The following AHNAK variants were observed in gnomAD, a reference collection of about 807,000 sequenced individuals.
AHNAK encodes neuroblast differentiation-associated protein AHNAK.
A neutral mutation model predicts 37.8 loss-of-function variants in AHNAK; 23 were observed. That is an observed-to-expected ratio of 0.61 (90% CI 0.44 to 0.86). The LOEUF is 0.86. AHNAK is among the 40% of genes least tolerant of loss of function. The probability of loss-of-function intolerance (pLI) is 0.00; values close to 1 mark genes in which losing one functional copy is unlikely to be tolerated. For missense variants in AHNAK, 7,411 were observed against 7,319.4 expected (o/e 1.01, Z -0.46); for synonymous variants, 2,481 against 2,636.3 (o/e 0.94, Z 1.80).
chr11:62,525,744 G>C lies in AHNAK; in HGVS notation c.8673C>G (p.His2891Gln), dbSNP rs769409207. 3 of 1,613,068 alleles carry C rather than the reference G, an allele frequency of 1.9e-6. No homozygotes were observed. Among genetic ancestry groups the C allele is most frequent in the Non-Finnish European group, 2.5e-6 (3 of 1,179,820 alleles). The change falls in exon 5 of 5, where the codon CAC becomes CAG. Residue 2891 changes from histidine to glutamine, a missense_variant. Transcript: ENST00000378024. ...PDVNVQGPDW[H>Q]LKMPKMKMPK... ...GCATTTTCATCTTGGGCATCTTCAG[G>C]TGCCAGTCTGGACCCTGAACATTAA...
chr11:62,493,567 C>CCAATCTGGGCAACAAGAATGAA (rs1565213284), intron 4 of AHNAK, among the ~76,000 whole-genome samples: 2 of 152,032 alleles, frequency 1.3e-5, no homozygotes, highest in African/African-American at 4.8e-5. Context: ...CTCCTGACCT[C>CCAATCTGGGCAACAAGAATGAA]AGGTTATCCA....
In AHNAK at chr11:62,529,200, A is replaced by G. The variant is rs768320886; in HGVS notation, c.5217T>C (p.Ala1739=). The G allele has an allele frequency of 3.1e-6, 5 of 1,614,118 alleles. No individual in the cohort carries two copies. The African/African-American group carries it at 5.3e-5, about 17-fold the overall frequency. The part of the protein sequence containing the change: ...GPEVDVNLPK[A]DIDVSGPSVD... Reference sequence around the variant, plus strand: ...CACTGGGTCCAGACACATCAATGTCAGCCTTTGGCAGATTCACATCCACTT... The same window carrying G: ...CACTGGGTCCAGACACATCAATGTCGGCCTTTGGCAGATTCACATCCACTT... Residue 1739 remains alanine, a synonymous_variant, in exon 5 of 5, where the codon GCT becomes GCC. Coordinates refer to ENST00000378024, the MANE Select transcript of AHNAK (RefSeq NM_001620.3).
intron 5 of AHNAK, among the ~76,000 whole-genome samples, chr11:62,434,305 A>G (rs1298445045): frequency 2.0e-5 from 3 of 151,936 alleles, no homozygotes; most frequent in Non-Finnish European, 4.4e-5. Context: ...ATCATCTCCA[A>G]ACTGACTTTC....
chr11:62,497,392 G>A (rs889001270), intron 4 of AHNAK, among the ~76,000 whole-genome samples: 6 of 152,272 alleles, frequency 3.9e-5, no homozygotes, highest in African/African-American at 9.6e-5. Flanking sequence ...AAGGGAAGGG[G>A]GAGGTCACTC....
rs1940531951 is a variant in AHNAK, at chr11:62,527,300, T to C, written c.7117A>G (p.Lys2373Glu). The change falls in exon 5 of 5, where the codon AAG becomes GAG. Residue 2373 changes from lysine to glutamate, a missense_variant. Lys to Glu is a moderately conservative substitution (Grantham distance 56). Coordinates refer to ENST00000378024, the MANE Select transcript of AHNAK (RefSeq NM_001620.3). ...AAGTGCATATCTGGCATCTTGAACT[T>C]AGGAGTTTTCCACTTGCCATTTGGG... Reference protein sequence around the residue: ...EGPNGKWKTPKFKMPDMHFKA... With the variant: ...EGPNGKWKTPEFKMPDMHFKA... 4 of 1,613,720 alleles carry C rather than the reference T, an allele frequency of 2.5e-6. No individual in the cohort carries two copies. The highest frequency in any genetic ancestry group is 3.4e-6 in the Non-Finnish European group (4 of 1,179,956).
intron 5 of AHNAK, among the ~76,000 whole-genome samples, chr11:62,436,136 A>AACAGGGTGGGGAGGAAGTT (rs1340430589): frequency 1.3e-5 from 2 of 152,222 alleles, no homozygotes; most frequent in Non-Finnish European, 2.9e-5. Context: ...AGTTAGGATG[A>AACAGGGTGGGGAGGAAGTT]ACAGGGTGGG....
rs1370271723 is a variant in AHNAK, at chr11:62,525,825, C to T, written c.8592G>A (p.Leu2864=). The part of the protein sequence containing the change: ...DVTGPKVEGD[L]KGPEVDLKGP... Reference sequence around the variant, plus strand: ...CTTTGAGGTCAACTTCAGGACCTTTCAGATCTCCCTCTACCTTAGGGCCTG... The same window carrying T: ...CTTTGAGGTCAACTTCAGGACCTTTTAGATCTCCCTCTACCTTAGGGCCTG... Residue 2864 remains leucine, a synonymous_variant, in exon 5 of 5, where the codon CTG becomes CTA. Transcript: ENST00000378024. The T allele has an allele frequency of 1.2e-6, 2 of 1,613,794 alleles. No individual in the cohort carries two copies. Among genetic ancestry groups the T allele is most frequent in the African/African-American group, 1.3e-5 (1 of 74,808 alleles).
At position 62,535,986 on chromosome 11, in the gene AHNAK, G is replaced by A. The variant is rs749831264; in HGVS notation, c.113C>T (p.Thr38Met). The A allele has an allele frequency of 1.1e-5, 18 of 1,612,638 alleles. No individual in the cohort carries two copies. Among genetic ancestry groups the A allele is most frequent in the Middle Eastern group, 1.6e-4 (1 of 6,076 alleles). ...RDDGVFVQEVTQNSPAARTGV... is the reference protein window; with the variant it reads ...RDDGVFVQEVMQNSPAARTGV... ...AGTGCGGGCCGCAGGGGAGTTCTGC[G>A]TCACCTCCTGCACAAAGACGCCGTC... Residue 38 changes from threonine (T) to methionine (M), a missense_variant, in exon 3 of 5, where the codon ACG (threonine) becomes ATG (methionine). Thr to Met is a moderately conservative substitution (Grantham distance 81). Coordinates refer to ENST00000378024, the MANE Select transcript of AHNAK (RefSeq NM_001620.3).
At chr11:62,481,690 G>C (rs998141164) in intron 5 of AHNAK, among the ~76,000 whole-genome samples, 1 of 72,076 alleles carries the variant, frequency 1.4e-5, no homozygotes, top group African/African-American at 3.1e-5. Context: ...CCATTCTCCT[G>C]CCTCAGCCTC....
intron 5 of AHNAK, among the ~76,000 whole-genome samples, chr11:62,476,939 G>T (rs1939159977): frequency 6.6e-6 from 1 of 152,156 alleles, no homozygotes; most frequent in African/African-American, 2.4e-5. Context: ...ACCAAAAACT[G>T]CAATGCCTGC....
chr11:62,494,013 AGAATGAATGAGTGGTGAATAAAT>A lies in AHNAK; in HGVS notation c.343-2205_343-2183del, dbSNP rs1419996777. Reference sequence around the variant, plus strand: ...GGATAGATGAATGATGAGTGATGAAAGAATGAATGAGTGGTGAATAAATGAATGAATGAGTGGTGAATAAATGA... The same window carrying A: ...GGATAGATGAATGATGAGTGATGAAAGAATGAATGAGTGGTGAATAAATGA... On this transcript the variant is annotated intron_variant, in intron 4 of 5. Coordinates refer to the AHNAK transcript ENST00000257247. Among the ~76,000 whole-genome samples the A allele has an allele frequency of 1.1e-4, 16 of 152,206 alleles. No individual in the cohort carries two copies. In the East Asian group the frequency reaches 2.3e-3, roughly 22 times the overall value.
At position 62,518,181 on chromosome 11, in the gene AHNAK, G is replaced by A; in HGVS notation, c.16236C>T (p.Gly5412=). 2 of 1,614,158 alleles carry A rather than the reference G, an allele frequency of 1.2e-6. No individual in the cohort carries two copies. The highest frequency in any genetic ancestry group is 1.7e-6 in the Non-Finnish European group (2 of 1,180,038). ...KLPKMKLPQF[G]ISTPGSDLHV... ...GCAAGTCGGACCCCGGAGTAGAGATGCCAAATTGGGGCAGCTTCATTTTGG... is the reference window on the plus strand; with the variant it reads ...GCAAGTCGGACCCCGGAGTAGAGATACCAAATTGGGGCAGCTTCATTTTGG... Residue 5412 remains glycine (G), a synonymous_variant, in exon 5 of 5, where the codon GGC becomes GGT. Coordinates refer to ENST00000378024, the MANE Select transcript of AHNAK (RefSeq NM_001620.3).
intron 5 of AHNAK, among the ~76,000 whole-genome samples, chr11:62,481,567 T>TTTTA (rs761257613): frequency 1.3e-3 from 195 of 151,934 alleles, no homozygotes; most frequent in African/African-American, 2.8e-3. Flanking sequence ...ACTCTTTATT[T>TTTTA]TTTATTTATT....
chr11:62,490,136 A>G (rs1939476723), intron 5 of AHNAK, among the ~76,000 whole-genome samples: 1 of 151,934 alleles, frequency 6.6e-6, no homozygotes, highest in South Asian at 2.1e-4. Flanking sequence ...TTGGCTCTCA[A>G]AGAATAGCAC....
At chr11:62,463,621 C>T (rs576923254) in intron 5 of AHNAK, among the ~76,000 whole-genome samples, 1 of 152,158 alleles carries the variant, frequency 6.6e-6, no homozygotes, top group African/African-American at 2.4e-5. Flanking sequence ...TGCTGTCAGG[C>T]CTGTTCTGCT....
At chr11:62,505,910 G>T (rs1939802523) in intron 4 of AHNAK, among the ~76,000 whole-genome samples, 2 of 151,548 alleles carry the variant, frequency 1.3e-5, no homozygotes, top group African/African-American at 4.9e-5. Flanking sequence ...GGTCCGGGCC[G>T]GGTGCGGTGG....
chr11:62,473,799 C>T (rs1939088602), intron 5 of AHNAK, among the ~76,000 whole-genome samples: 1 of 151,984 alleles, frequency 6.6e-6, no homozygotes, highest in Admixed American at 6.6e-5. Flanking sequence ...AGTTCCAGAC[C>T]AGCCTGGACA....
Position 62,529,880 on chromosome 11 carries a change from C to G in AHNAK, c.4537G>C (p.Val1513Leu). Residue 1513 changes from valine (V) to leucine (L), a missense_variant, in exon 5 of 5, where the codon GTA (valine) becomes CTA (leucine). Physicochemically the swap from Val to Leu is conservative, Grantham distance 32. Transcript: ENST00000378024. ...GPDWHLKMPK[V>L]KMPKFSMPGF... ...GGCATGCTGAACTTGGGCATTTTTA[C>G]CTTGGGCATCTTCAGGTGCCAGTCT... 2 of 1,613,024 alleles carry G rather than the reference C, an allele frequency of 1.2e-6. No individual in the cohort carries two copies. The highest frequency in any genetic ancestry group is 8.5e-7 in the Non-Finnish European group (1 of 1,179,668).
chr11:62,440,533 GT>G (rs1938282823), intron 5 of AHNAK, among the ~76,000 whole-genome samples: 1 of 152,142 alleles, frequency 6.6e-6, no homozygotes, highest in Non-Finnish European at 1.5e-5. Flanking sequence ...CTGGGAGCCC[GT>G]TTCTGAGCCT....
Sources: gnomAD v4.1 joint callset for allele counts (sites outside exome capture counted in the v4.1 genomes callset) on GRCh38, gnomAD v4.1.1 for gene constraint, MANE v1.5 for transcripts, NCBI Gene and HGNC (gene_info 2026-07-23, HGNC 2026-07-21) for gene names.